Variants in IMMP2L observed in about 807,000 individuals in gnomAD.
The protein encoded by IMMP2L is inner mitochondrial membrane peptidase subunit 2, also known as mitochondrial inner membrane protease subunit 2.
In IMMP2L, 18 loss-of-function variants were observed where a neutral mutation model predicts 19.3. That is an observed-to-expected ratio of 0.93 (90% CI 0.64 to 1.38). IMMP2L has a LOEUF of 1.38. IMMP2L is among the 40% of genes most tolerant of loss of function. The probability of loss-of-function intolerance (pLI) is 0.00; values close to 1 mark genes in which losing one functional copy is unlikely to be tolerated. For missense variants in IMMP2L, 233 were observed against 218.2 expected, an observed-to-expected ratio of 1.07 and a Z score of -0.43; for synonymous variants, 76 against 73.0, an observed-to-expected ratio of 1.04 and a Z score of -0.21.
intron 3 of IMMP2L, among the ~76,000 whole-genome samples, chr7:111,061,099 G>C (rs1161618496): frequency 6.6e-6 from 1 of 152,142 alleles, no homozygotes; most frequent in Non-Finnish European, 1.5e-5. Context: ...GTGAAGTCTG[G>C]CTATTTAATC....
At chr7:111,458,254 T>C (rs1457490960) in intron 3 of IMMP2L, among the ~76,000 whole-genome samples, 1 of 151,964 alleles carries the variant, frequency 6.6e-6, no homozygotes, top group Non-Finnish European at 1.5e-5. Context: ...GGCGTGCGCC[T>C]GTACTCCCCA....
intron 5 of IMMP2L, among the ~76,000 whole-genome samples, chr7:110,761,387 T>G (rs1425785686): frequency 2.0e-5 from 3 of 152,122 alleles, no homozygotes; most frequent in Admixed American, 6.6e-5. Flanking sequence ...CTCATCAACC[T>G]AGATTCGATA....
At chr7:111,490,682 G>C (rs969461028) in intron 2 of IMMP2L, among the ~76,000 whole-genome samples, 1 of 151,874 alleles carries the variant, frequency 6.6e-6, no homozygotes, top group African/African-American at 2.4e-5. Flanking sequence ...CTAGTTATAT[G>C]ATCTTCAGCA....
rs1242759660 is a variant in IMMP2L, at chr7:110,896,628, TTTC to T, written c.306-9936_306-9934del. On this transcript the variant is annotated intron_variant, in intron 4 of 5. Coordinates refer to ENST00000405709, the MANE Select transcript of IMMP2L (RefSeq NM_032549.4). ...CATTTTGCCTTTCAAAAATTTTTAA[TTTC>T]AAAATACTGAGGTATTTTCGTATGT... Among the ~76,000 whole-genome samples the T allele has an allele frequency of 1.4e-5, 2 of 145,390 alleles. 1 individual carries two copies. Among genetic ancestry groups the T allele is most frequent in the African/African-American group, 5.3e-5 (2 of 37,972 alleles).
At chr7:111,172,000 G>A (rs1404791016) in intron 3 of IMMP2L, among the ~76,000 whole-genome samples, 3 of 151,074 alleles carry the variant, frequency 2.0e-5, no homozygotes, top group South Asian at 2.1e-4. Flanking sequence ...ACAGGCATTT[G>A]GTAATTTATT....
At chr7:111,079,186 C>T (rs1043178197) in intron 3 of IMMP2L, among the ~76,000 whole-genome samples, 1 of 148,910 alleles carries the variant, frequency 6.7e-6, no homozygotes, top group East Asian at 2.0e-4. Context: ...GGCGGGATCT[C>T]GGCTCACTGC....
At chr7:110,967,116 C>G (rs1397749959) in intron 3 of IMMP2L, among the ~76,000 whole-genome samples, 1 of 151,946 alleles carries the variant, frequency 6.6e-6, no homozygotes. Flanking sequence ...GGATGAGGAG[C>G]CTAGAATTGT....
intron 5 of IMMP2L, among the ~76,000 whole-genome samples, chr7:110,879,685 G>C (rs1298465811): frequency 6.6e-6 from 1 of 152,034 alleles, no homozygotes; most frequent in African/African-American, 2.4e-5. Flanking sequence ...TTGCATAATT[G>C]TCTTAATAGT....
chr7:111,017,942 A>G (rs1825872406), intron 3 of IMMP2L, among the ~76,000 whole-genome samples: 1 of 152,192 alleles, frequency 6.6e-6, no homozygotes, highest in Admixed American at 6.5e-5. Flanking sequence ...AAAGCAACAA[A>G]CCTACTTAAC....
chr7:111,484,549 T>C (rs916825095), intron 3 of IMMP2L, among the ~76,000 whole-genome samples: 1 of 152,196 alleles, frequency 6.6e-6, no homozygotes, highest in Non-Finnish European at 1.5e-5. Flanking sequence ...TATACACTTC[T>C]GTATGTGTCA....
chr7:111,159,269 C>T (rs2129605903), intron 3 of IMMP2L, among the ~76,000 whole-genome samples: 1 of 152,192 alleles, frequency 6.6e-6, no homozygotes, highest in African/African-American at 2.4e-5. Context: ...GCATCTGCCA[C>T]CACGCCCAGC....
chr7:111,414,269 A>G lies in IMMP2L; in HGVS notation c.239+72969T>C, dbSNP rs1028566343. 4.6e-5 allele frequency among the ~76,000 whole-genome samples: 7 copies of G among 151,988 alleles called. 1 individual carries two copies. Among genetic ancestry groups the G allele is most frequent in the African/African-American group, 1.5e-4 (6 of 41,306 alleles). On this transcript the variant is annotated intron_variant, in intron 3 of 5. Coordinates refer to ENST00000405709, the MANE Select transcript of IMMP2L (RefSeq NM_032549.4). ...GGCAATTTCCCAGCAAGTCTCAAAA[A>G]GACCCAGAGGGTAGCTTCCTGAATC... is the stretch of plus-strand genomic sequence containing the variant.
At chr7:111,067,408 T>C (rs1290633705) in intron 3 of IMMP2L, among the ~76,000 whole-genome samples, 2 of 152,154 alleles carry the variant, frequency 1.3e-5, no homozygotes, top group Non-Finnish European at 2.9e-5. Flanking sequence ...GTGGGACCAA[T>C]GCGGAGCCCA....
intron 4 of IMMP2L, among the ~76,000 whole-genome samples, chr7:110,960,792 A>T (rs1443835802): frequency 1.3e-5 from 2 of 151,884 alleles, no homozygotes; most frequent in Admixed American, 1.3e-4. Flanking sequence ...CCTCCCCTAA[A>T]TGCTCACTCC....
intron 5 of IMMP2L, among the ~76,000 whole-genome samples, chr7:110,819,181 C>T (rs186066042): frequency 5.1e-4 from 77 of 151,658 alleles, no homozygotes; most frequent in Middle Eastern, 3.4e-3. Context: ...TGTGAACTTC[C>T]TTTGGAACTT....
chr7:110,996,878 A>G (rs778497120), intron 3 of IMMP2L, among the ~76,000 whole-genome samples: 18 of 152,026 alleles, frequency 1.2e-4, no homozygotes, highest in Non-Finnish European at 2.4e-4. Flanking sequence ...GTTTACATGC[A>G]GTTAGTTGTG....
At chr7:111,132,417 C>T (rs1220669388) in intron 3 of IMMP2L, among the ~76,000 whole-genome samples, 4 of 151,952 alleles carry the variant, frequency 2.6e-5, no homozygotes, top group Non-Finnish European at 4.4e-5. Flanking sequence ...CACAATAACT[C>T]AATCTTAGAA....
At chr7:111,226,890 G>C (rs955108113) in intron 3 of IMMP2L, among the ~76,000 whole-genome samples, 4 of 151,994 alleles carry the variant, frequency 2.6e-5, no homozygotes, top group Non-Finnish European at 5.9e-5. Flanking sequence ...AGAATGGAGA[G>C]AGCTACATAG....
chr7:111,491,182 TCTTA>T (rs1843066522), intron 2 of IMMP2L, among the ~76,000 whole-genome samples: 1 of 152,150 alleles, frequency 6.6e-6, no homozygotes, highest in Admixed American at 6.6e-5. Context: ...CTTTTCCCTA[TCTTA>T]CTTTATTGTA....
Sources: allele counts gnomAD v4.1 joint callset (sites outside exome capture counted in the v4.1 genomes callset), GRCh38; gene constraint gnomAD v4.1.1; transcripts MANE v1.5; gene names NCBI Gene and HGNC (gene_info 2026-07-23, HGNC 2026-07-21).